The following ST7 variants were observed in gnomAD, a reference collection of about 807,000 sequenced individuals.
The protein encoded by ST7 is suppression of tumorigenicity 7.
A neutral mutation model predicts 78.7 loss-of-function variants in ST7; 28 were observed. The ratio of observed to expected loss-of-function variants is 0.36; its 90% CI spans 0.26 to 0.49. The LOEUF is 0.49. ST7 is among the 20% of genes least tolerant of loss of function. The pLI is 0.99. For missense variants in ST7, 418 were observed against 696.0 expected, an observed-to-expected ratio of 0.60 and a Z score of 4.49; for synonymous variants, 247 against 249.6, an observed-to-expected ratio of 0.99 and a Z score of 0.10.
At position 117,190,986 on chromosome 7, in the gene ST7, A is replaced by G; in HGVS notation, c.1254+50A>G. ...AACTCGTTATGATAGCAGAGAAAGC[A>G]TTCATTGACCACAGTGTTGTATCTC... On this transcript the variant is annotated intron_variant, in intron 12 of 15. Coordinates refer to ENST00000323984, the MANE Select transcript of ST7 (RefSeq NM_001369598.1). This position sits in a 1 kb window ranked among gnomAD's most constrained non-coding sequence, Gnocchi z 5.2. The G allele has an allele frequency of 7.0e-7, 1 of 1,424,416 alleles. No individual in the cohort carries two copies. Among genetic ancestry groups the G allele is most frequent in the Middle Eastern group, 1.8e-4 (1 of 5,644 alleles). 88.2% of individuals were successfully genotyped at this position (1,424,416 alleles called of 1,614,324 possible). A position where few individuals can be genotyped will look rare whatever the true frequency, so the allele number is the denominator to read the frequency against.
chr7:116,953,858 C>A, intron 1 of ST7, 167 bp downstream of exon 1: 3 of 272,260 alleles, frequency 1.1e-5, no homozygotes, highest in Non-Finnish European at 1.7e-5. Flanking sequence ...GGCGGCGGGG[C>A]CGGGCAGCTG....
intron 13 of ST7, among the ~76,000 whole-genome samples, chr7:117,217,240 A>G (rs184654946): frequency 6.6e-6 from 1 of 152,024 alleles, no homozygotes; most frequent in African/African-American, 2.4e-5. Context: ...ACAGATACTT[A>G]ATTACAGCAA....
chr7:117,174,125 G>T (rs1013329924), intron 10 of ST7, among the ~76,000 whole-genome samples: 8 of 152,082 alleles, frequency 5.3e-5, no homozygotes, highest in African/African-American at 1.9e-4. Flanking sequence ...TTTGATTTTT[G>T]CCATTGAGAT....
At chr7:116,959,369 A>G in intron 1 of ST7, 1 of 412,108 alleles carries the variant, frequency 2.4e-6, no homozygotes, top group Non-Finnish European at 4.9e-6. Context: ...TGTGTGATAT[A>G]TGTGGGTCAG....
At chr7:117,061,134 T>C (rs1362352618) in intron 1 of ST7, among the ~76,000 whole-genome samples, 1 of 152,226 alleles carries the variant, frequency 6.6e-6, no homozygotes, top group African/African-American at 2.4e-5. Flanking sequence ...AAAGGAGTTT[T>C]AGGTCCTGCC....
intron 2 of ST7, among the ~76,000 whole-genome samples, chr7:117,101,020 AT>A (rs1801530279): frequency 1.3e-5 from 2 of 152,282 alleles, no homozygotes; most frequent in South Asian, 4.1e-4. Context: ...ACCTAGAATA[AT>A]GGTGGATTTC....
At chr7:117,218,927 C>T (rs1792887070) in intron 13 of ST7, 157 bp from the exon 14 acceptor site, 2 of 600,670 alleles carry the variant, frequency 3.3e-6, no homozygotes, top group Admixed American at 6.1e-5. Context: ...CACAATTTAT[C>T]TCTGACATTT....
At chr7:117,134,068 CT>C (rs1563108690) in intron 6 of ST7, 55 bp from the exon 7 acceptor site, 3 of 1,602,186 alleles carry the variant, frequency 1.9e-6, no homozygotes, top group Admixed American at 1.7e-5. Flanking sequence ...TAGTGACTCT[CT>C]CTGAATGTTC....
intron 1 of ST7, among the ~76,000 whole-genome samples, chr7:116,962,356 A>G (rs937366242): frequency 2.6e-5 from 4 of 152,184 alleles, no homozygotes; most frequent in African/African-American, 7.2e-5. Flanking sequence ...TCCTTGAGGA[A>G]TCGCCACACT....
intron 9 of ST7, among the ~76,000 whole-genome samples, chr7:117,149,010 G>A (rs924552314): frequency 1.3e-5 from 2 of 152,154 alleles, no homozygotes; most frequent in Admixed American, 1.3e-4. Flanking sequence ...CGATGACCAG[G>A]GAGGACAATG....
intron 13 of ST7, among the ~76,000 whole-genome samples, chr7:117,217,077 A>G (rs1792745352): frequency 6.6e-6 from 1 of 152,304 alleles, no homozygotes; most frequent in African/African-American, 2.4e-5. Flanking sequence ...TTAGATTTCT[A>G]TGGTTGAACA....
At chr7:117,185,403 T>C (rs931605464) in intron 10 of ST7, among the ~76,000 whole-genome samples, 12 of 152,284 alleles carry the variant, frequency 7.9e-5, no homozygotes, top group African/African-American at 2.9e-4. Context: ...AAACAGTTAC[T>C]GCATGTACAT....
chr7:117,183,973 T>C (rs185383187), intron 10 of ST7, among the ~76,000 whole-genome samples: 120 of 152,326 alleles, frequency 7.9e-4, no homozygotes, highest in Non-Finnish European at 1.4e-3. Flanking sequence ...AAAAACAATG[T>C]GCTGAGTGAA....
intron 1 of ST7, among the ~76,000 whole-genome samples, chr7:116,963,103 A>G (rs540356182): frequency 1.4e-4 from 21 of 152,362 alleles, no homozygotes; most frequent in African/African-American, 4.8e-4. Context: ...GAAATGACAC[A>G]TTAAACTATA....
rs144479274 is a variant in ST7, at chr7:117,141,112, A to T, written c.963+2580A>T. Among the ~76,000 whole-genome samples the T allele has an allele frequency of 3.0e-4, 46 of 152,316 alleles. 1 individual carries two copies. In the East Asian group the frequency reaches 8.9e-3, roughly 29 times the overall value. On this transcript the variant is annotated intron_variant, in intron 9 of 15. Transcript: ENST00000323984. ...ATTTTGCTGGAAGACTTTCTCTGAT[A>T]AAATAGCTCAGTAGATTCCAGACAG...
chr7:117,219,228 T>C lies in ST7; in HGVS notation c.1498+52T>C. ...GAGGGTGTGTGGTGAAAGGTGGGGA[T>C]TGGAAGAGGTGGGAATATCAAAGTT... is the stretch of plus-strand genomic sequence containing the variant. On this transcript the variant is annotated intron_variant, in intron 14 of 15. Coordinates refer to ENST00000323984, the MANE Select transcript of ST7 (RefSeq NM_001369598.1). The surrounding 1 kb of genome is among the most constrained non-coding windows in gnomAD (Gnocchi z 5.1). 6.9e-7 allele frequency: 1 copy of C among 1,443,088 alleles called. No homozygotes were observed. Among genetic ancestry groups the C allele is most frequent in the African/African-American group, 1.4e-5 (1 of 70,606 alleles). 89.4% of individuals were successfully genotyped at this position (1,443,088 alleles called of 1,614,324 possible).
chr7:117,152,220 T>TATAC (rs1806349219), intron 9 of ST7, among the ~76,000 whole-genome samples: 1 of 125,888 alleles, frequency 7.9e-6, no homozygotes, highest in Middle Eastern at 4.1e-3. Flanking sequence ...TATATATATA[T>TATAC]ATACCATGAA....
intron 1 of ST7, among the ~76,000 whole-genome samples, chr7:117,034,991 C>A (rs1259204399): frequency 3.3e-5 from 5 of 152,096 alleles, no homozygotes; most frequent in Non-Finnish European, 7.4e-5. Flanking sequence ...TGCTACCCTC[C>A]AAGACTTATG....
chr7:117,200,745 GAAGTC>G (rs1474973917), intron 12 of ST7, among the ~76,000 whole-genome samples: 1 of 151,698 alleles, frequency 6.6e-6, no homozygotes, highest in Admixed American at 6.6e-5. Flanking sequence ...GGGAGTGCGG[GAAGTC>G]AAGAGAAAAT....
Sources: allele counts gnomAD v4.1 joint callset (sites outside exome capture counted in the v4.1 genomes callset), GRCh38; gene constraint gnomAD v4.1.1; non-coding constraint Gnocchi (gnomAD v3.1); transcripts MANE v1.5; gene names NCBI Gene and HGNC (gene_info 2026-07-23, HGNC 2026-07-21).